The following PTPRD variants were observed in gnomAD, a reference collection of about 807,000 sequenced individuals.
PTPRD encodes the protein receptor-type tyrosine-protein phosphatase delta.
PTPRD carries 34 observed loss-of-function variants against 214.5 expected under a neutral mutation model. The ratio of observed to expected loss-of-function variants is 0.16; its 90% CI spans 0.12 to 0.21. The LOEUF (loss-of-function observed/expected upper bound fraction) is 0.21. Among genes scored for constraint, PTPRD ranks in the 10% least tolerant of loss-of-function variants. PTPRD has a pLI of 1.00. For missense variants in PTPRD, 2,545 were observed against 2,398.7 expected (o/e 1.06, Z -1.27); for synonymous variants, 1,128 against 845.7 (o/e 1.33, Z -5.79).
intron 8 of PTPRD, among the ~76,000 whole-genome samples, chr9:9,477,942 G>T (rs2095185068): frequency 6.6e-6 from 1 of 152,116 alleles, no homozygotes; most frequent in African/African-American, 2.4e-5. Context: ...AGATTGATTT[G>T]TGTATCTTCT....
intron 11 of PTPRD, among the ~76,000 whole-genome samples, chr9:8,997,184 CT>C (rs1479074303): frequency 6.6e-6 from 1 of 151,874 alleles, no homozygotes; most frequent in Non-Finnish European, 1.5e-5. Context: ...TATCTTTTAA[CT>C]TTTCATTATT....
intron 10 of PTPRD, among the ~76,000 whole-genome samples, chr9:9,081,672 G>C (rs2099759217): frequency 6.6e-6 from 1 of 151,954 alleles, no homozygotes; most frequent in African/African-American, 2.4e-5. Context: ...TATGAATCTG[G>C]GTGCTCCTGT....
At chr9:10,536,948 G>T (rs956640039) in intron 2 of PTPRD, among the ~76,000 whole-genome samples, 1 of 152,104 alleles carries the variant, frequency 6.6e-6, no homozygotes, top group Non-Finnish European at 1.5e-5. Flanking sequence ...AAGCAGTACG[G>T]TTATTAGGTA....
chr9:10,416,617 A>C (rs1308068712), intron 2 of PTPRD, among the ~76,000 whole-genome samples: 1 of 151,982 alleles, frequency 6.6e-6, no homozygotes. Flanking sequence ...TCCAGAAAAT[A>C]CTAGAAAACA....
chr9:8,628,019 A>T (rs1011084366), intron 14 of PTPRD, among the ~76,000 whole-genome samples: 1 of 151,858 alleles, frequency 6.6e-6, no homozygotes, highest in African/African-American at 2.4e-5. Flanking sequence ...TTCAGTCAGT[A>T]CCATAATTGT....
intron 11 of PTPRD, among the ~76,000 whole-genome samples, chr9:9,002,963 G>T (rs1427765155): frequency 6.6e-6 from 1 of 151,980 alleles, no homozygotes; most frequent in African/African-American, 2.4e-5. Context: ...CAACAATTTT[G>T]TGAGTGGGAC....
At chr9:9,813,070 A>G (rs767019125) in intron 5 of PTPRD, among the ~76,000 whole-genome samples, 16 of 152,094 alleles carry the variant, frequency 1.1e-4, no homozygotes, top group Non-Finnish European at 1.0e-4. Context: ...AATGGGCCAA[A>G]GAAGAAATCA....
chr9:9,498,837 T>C (rs889359507), intron 8 of PTPRD, among the ~76,000 whole-genome samples: 5 of 152,138 alleles, frequency 3.3e-5, no homozygotes, highest in Admixed American at 6.6e-5. Context: ...TTAGAACATA[T>C]CTGTGTTCTT....
At chr9:10,419,919 C>T (rs1331027318) in intron 2 of PTPRD, among the ~76,000 whole-genome samples, 3 of 151,508 alleles carry the variant, frequency 2.0e-5, no homozygotes, top group African/African-American at 7.3e-5. Flanking sequence ...TTCTAGAAAC[C>T]CCCACACTAG....
intron 3 of PTPRD, among the ~76,000 whole-genome samples, chr9:10,270,545 C>A (rs779223466): frequency 2.0e-5 from 3 of 152,116 alleles, no homozygotes; most frequent in Non-Finnish European, 4.4e-5. Flanking sequence ...ATGTTAAATG[C>A]AGAACTGCCA....
intron 9 of PTPRD, among the ~76,000 whole-genome samples, chr9:9,351,498 T>C (rs1163728187): frequency 6.6e-6 from 1 of 152,020 alleles, no homozygotes; most frequent in Non-Finnish European, 1.5e-5. Flanking sequence ...CTATCTGAAC[T>C]TCCTTTCAGG....
At chr9:9,339,876 T>A (rs1489375966) in intron 9 of PTPRD, among the ~76,000 whole-genome samples, 1 of 152,142 alleles carries the variant, frequency 6.6e-6, no homozygotes, top group Non-Finnish European at 1.5e-5. Flanking sequence ...ACCATTGGTT[T>A]TAGGTCAATT....
rs556237447 is a variant in PTPRD, at chr9:9,955,181, T to C, written c.-471-16571A>G. ...AGCACTGTCAGCAAACAAAGGAACT[T>C]ATCTCCAGTATAACACTGGAAAGGG... On this transcript the variant is annotated intron_variant, in intron 4 of 45. Coordinates refer to ENST00000381196, the MANE Select transcript of PTPRD (RefSeq NM_002839.4). Among the ~76,000 whole-genome samples the C allele has an allele frequency of 5.9e-5, 9 of 152,218 alleles. No individual in the cohort carries two copies. The South Asian group carries it at 1.9e-3, about 32-fold the overall frequency.
At chr9:9,758,729 T>G (rs918704138) in intron 6 of PTPRD, among the ~76,000 whole-genome samples, 2 of 151,724 alleles carry the variant, frequency 1.3e-5, no homozygotes, top group African/African-American at 4.8e-5. Flanking sequence ...TACCATTCCC[T>G]CATCGCCACC....
chr9:8,562,111 T>A (rs1479989448), intron 14 of PTPRD, among the ~76,000 whole-genome samples: 1 of 152,192 alleles, frequency 6.6e-6, no homozygotes, highest in Non-Finnish European at 1.5e-5. Context: ...GATGAAGGTA[T>A]ATATCCAAAA....
At chr9:8,595,447 T>A (rs1434126403) in intron 14 of PTPRD, among the ~76,000 whole-genome samples, 1 of 152,048 alleles carries the variant, frequency 6.6e-6, no homozygotes, top group Admixed American at 6.6e-5. Flanking sequence ...GGGAAAAAAA[T>A]TAGTACTGCT....
chr9:10,347,630 C>T (rs1421871679), intron 2 of PTPRD, among the ~76,000 whole-genome samples: 2 of 151,786 alleles, frequency 1.3e-5, no homozygotes, highest in African/African-American at 2.4e-5. Context: ...AGGCTAGTCT[C>T]GAATTCCCAA....
intron 2 of PTPRD, among the ~76,000 whole-genome samples, chr9:10,405,194 T>G (rs372953261): frequency 1.3e-5 from 2 of 151,788 alleles, no homozygotes; most frequent in South Asian, 4.1e-4. Flanking sequence ...CTTAGATAGA[T>G]TCATGTCAAA....
intron 2 of PTPRD, chr9:10,532,149 G>A (rs935257530): frequency 3.9e-5 from 6 of 152,046 alleles, no homozygotes; most frequent in African/African-American, 1.4e-4. Flanking sequence ...TTACTTCAGT[G>A]CCACACCCAC....
Sources: gnomAD v4.1 joint callset for allele counts (sites outside exome capture counted in the v4.1 genomes callset) on GRCh38, gnomAD v4.1.1 for gene constraint, MANE v1.5 for transcripts, NCBI Gene and HGNC (gene_info 2026-07-23, HGNC 2026-07-21) for gene names.